ZNF367: variants seen among roughly 807,000 people sequenced by gnomAD.
The protein encoded by ZNF367 is C2H2 zinc finger protein ZFF29.
ZNF367 carries 11 observed loss-of-function variants against 31.8 expected under a neutral mutation model. The ratio of observed to expected loss-of-function variants is 0.35; its 90% CI spans 0.22 to 0.57. The LOEUF is 0.57. Ranked by LOEUF, ZNF367 falls within the 20% of genes least tolerant of loss-of-function variation. The probability of loss-of-function intolerance (pLI) is 0.85; values close to 1 mark genes in which losing one functional copy is unlikely to be tolerated. For synonymous variants in ZNF367, 199 were observed against 202.4 expected, an observed-to-expected ratio of 0.98 and a Z score of 0.14; for missense variants, 353 against 484.1, an observed-to-expected ratio of 0.73 and a Z score of 2.54.
In ZNF367 at chr9:96,418,350, A is replaced by C. The variant is rs1831865888; in HGVS notation, c.-318T>G. On this transcript the variant is annotated 5_prime_UTR_variant, in exon 1 of 5. Coordinates refer to ENST00000375256, the MANE Select transcript of ZNF367 (RefSeq NM_153695.4). ...GACGCGCGGCGCTGAGCCCCCAAAA[A>C]TAACAACCTGCCGCCGCGGTGCCTG... 5.8e-6 allele frequency: 2 copies of C among 342,982 alleles called. No homozygotes were observed. Among genetic ancestry groups the C allele is most frequent in the African/African-American group, 2.1e-5 (1 of 47,266 alleles). The allele number at this position is 342,982 out of a possible 1,614,324, so 21.2% of individuals were successfully genotyped here.
chr9:96,400,874 C>T (rs892245635), intron 1 of ZNF367, among the ~76,000 whole-genome samples: 9 of 152,136 alleles, frequency 5.9e-5, no homozygotes, highest in Non-Finnish European at 1.3e-4. Flanking sequence ...GGGATCCACA[C>T]CAAGACATTT....
At chr9:96,403,129 C>T (rs1300699813) in intron 1 of ZNF367, among the ~76,000 whole-genome samples, 1 of 152,002 alleles carries the variant, frequency 6.6e-6, no homozygotes, top group African/African-American at 2.4e-5. Flanking sequence ...GCCACCATAC[C>T]CAGATAATTT....
intron 1 of ZNF367, among the ~76,000 whole-genome samples, chr9:96,413,158 T>A (rs992565793): frequency 6.6e-6 from 1 of 152,228 alleles, no homozygotes; most frequent in Non-Finnish European, 1.5e-5. Context: ...CCACTTACCA[T>A]ACAATCTTAA....
In ZNF367 at chr9:96,418,309, G is replaced by T; in HGVS notation, c.-277C>A. 1 of 402,600 alleles carries T rather than the reference G, an allele frequency of 2.5e-6. No homozygotes were observed. The highest frequency in any genetic ancestry group is 4.3e-6 in the Non-Finnish European group (1 of 233,980). 24.9% of individuals were successfully genotyped at this position (402,600 alleles called of 1,614,324 possible). On this transcript the variant is annotated 5_prime_UTR_variant, in exon 1 of 5. Transcript: ENST00000375256. ...AAGCAGCGGGCGGCCCGGCCCTTGC[G>T]GTGACAGGAAAGCAGGACGCGCGGC...
rs186730452 is a variant in ZNF367 at position 96,386,556 on chromosome 9, A to G, written c.*1681T>C. On this transcript the variant is annotated 3_prime_UTR_variant, in exon 5 of 5. Transcript: ENST00000375256. ...ATTAAAATTCTATATACCACATTAC[A>G]AAAAAATTCTTAGACCATTACAAAT... The G allele has an allele frequency of 6.6e-6, 1 of 151,772 alleles. No homozygotes were observed. Among genetic ancestry groups the G allele is most frequent in the Non-Finnish European group, 1.5e-5 (1 of 67,708 alleles). 9.4% of individuals were successfully genotyped at this position (151,772 alleles called of 1,614,324 possible). A position where few individuals can be genotyped will look rare whatever the true frequency, so the allele number is the denominator to read the frequency against.
chr9:96,393,476 G>A (rs1368455915), intron 3 of ZNF367, among the ~76,000 whole-genome samples: 2 of 151,614 alleles, frequency 1.3e-5, no homozygotes, highest in African/African-American at 4.8e-5. Flanking sequence ...AGCCAAGATC[G>A]TGCCACTGTA....
intron 2 of ZNF367, among the ~76,000 whole-genome samples, chr9:96,395,233 A>G (rs1226354676): frequency 4.6e-5 from 7 of 151,948 alleles, no homozygotes; most frequent in Non-Finnish European, 1.0e-4. Flanking sequence ...ATTCTTCACT[A>G]TGTCTTCCAC....
At chr9:96,397,369 T>C (rs541617943) in intron 2 of ZNF367, among the ~76,000 whole-genome samples, 1 of 152,286 alleles carries the variant, frequency 6.6e-6, no homozygotes, top group South Asian at 2.1e-4. Flanking sequence ...AATTTCCATA[T>C]GCAAATAAAG....
In ZNF367 at chr9:96,415,479, A is replaced by ATTTTTTTTTTT. The variant is rs56349404; in HGVS notation, c.420+2123_420+2133dup. On this transcript the variant is annotated intron_variant, in intron 1 of 4. Coordinates refer to ENST00000375256, the MANE Select transcript of ZNF367 (RefSeq NM_153695.4). ...CAACGCTTCTATCGTTAGTTTCTTC[A>ATTTTTTTTTTT]TTTTTTTTTTTTTTTTTTTTTTTTT... Among the ~76,000 whole-genome samples, 3 of 37,756 alleles carry ATTTTTTTTTTT rather than the reference A, an allele frequency of 7.9e-5. 1 individual carries two copies. Among genetic ancestry groups the ATTTTTTTTTTT allele is most frequent in the African/African-American group, 2.2e-4 (2 of 9,130 alleles). 24.8% of individuals were successfully genotyped at this position (37,756 alleles called of 152,430 possible).
chr9:96,406,804 T>C (rs1303441201), intron 1 of ZNF367, among the ~76,000 whole-genome samples: 2 of 150,714 alleles, frequency 1.3e-5, no homozygotes, highest in Non-Finnish European at 3.0e-5. Flanking sequence ...ATTGAGACCA[T>C]CCTGGCTAAC....
At chr9:96,416,062 C>A (rs1831823724) in intron 1 of ZNF367, among the ~76,000 whole-genome samples, 1 of 150,780 alleles carries the variant, frequency 6.6e-6, no homozygotes, top group Non-Finnish European at 1.5e-5. Context: ...CCTCACCAGG[C>A]TCTGTTATGG....
chr9:96,418,211 G>C lies in ZNF367; in HGVS notation c.-179C>G, dbSNP rs531663377. The stretch of plus-strand genomic sequence containing the variant: ...GTTGAGCAGACGGCACCGGCGGGCA[G>C]GGCTGGACCCCAGCCCCAGGTCAAG... On this transcript the variant is annotated 5_prime_UTR_variant, in exon 1 of 5. Coordinates refer to ENST00000375256, the MANE Select transcript of ZNF367 (RefSeq NM_153695.4). 6.9e-5 allele frequency: 67 copies of C among 965,460 alleles called. No individual in the cohort carries two copies. In the South Asian group the frequency reaches 2.8e-3, roughly 40 times the overall value. 59.8% of individuals were successfully genotyped at this position (965,460 alleles called of 1,614,324 possible).
In ZNF367 at chr9:96,417,449, T is replaced by G. The variant is rs1334622880; in HGVS notation, c.420+164A>C. Among the ~76,000 whole-genome samples, 1 of 145,596 alleles carries G rather than the reference T, an allele frequency of 6.9e-6. No individual in the cohort carries two copies. Among genetic ancestry groups the G allele is most frequent in the South Asian group, 2.2e-4 (1 of 4,510 alleles). On this transcript the variant is annotated intron_variant, in intron 1 of 4. Coordinates refer to ENST00000375256, the MANE Select transcript of ZNF367 (RefSeq NM_153695.4). This position sits in a 1 kb window ranked among gnomAD's most constrained non-coding sequence, Gnocchi z 5.0. ...TGTCACGTGACAGGCCCCCCCCGAC[T>G]GGGGCCGGTTTTTGGCGCGCGGCAG...
rs755522854 is a variant in ZNF367, at chr9:96,386,622, AT to A, written c.*1614del. 6.6e-6 allele frequency: 1 copy of A among 152,144 alleles called. No homozygotes were observed. Among genetic ancestry groups the A allele is most frequent in the Admixed American group, 6.5e-5 (1 of 15,272 alleles). The allele number at this position is 152,144 out of a possible 1,614,324, so 9.4% of individuals were successfully genotyped here. A position where few individuals can be genotyped will look rare whatever the true frequency, so the allele number is the denominator to read the frequency against. On this transcript the variant is annotated 3_prime_UTR_variant, in exon 5 of 5. Coordinates refer to ENST00000375256, the MANE Select transcript of ZNF367 (RefSeq NM_153695.4). ...ACAAAAAAATCCCTAAAGATTTGTA[AT>A]TTACTGTACAGAGGAATTACATTTT...
At chr9:96,405,915 CTAATT>C (rs1039321024) in intron 1 of ZNF367, among the ~76,000 whole-genome samples, 2 of 152,112 alleles carry the variant, frequency 1.3e-5, no homozygotes, top group African/African-American at 2.4e-5. Flanking sequence ...TTTAAAATGA[CTAATT>C]TAATGTTATG....
intron 2 of ZNF367, among the ~76,000 whole-genome samples, chr9:96,396,156 G>A (rs1249108801): frequency 3.3e-5 from 5 of 152,136 alleles, no homozygotes; most frequent in Non-Finnish European, 7.3e-5. Flanking sequence ...GCTGATGCCT[G>A]GGGTATCAGG....
At chr9:96,396,874 C>G (rs1243988664) in intron 2 of ZNF367, among the ~76,000 whole-genome samples, 1 of 152,028 alleles carries the variant, frequency 6.6e-6, no homozygotes, top group Non-Finnish European at 1.5e-5. Context: ...TCCATGTTGG[C>G]CAGGCTGGTC....
At chr9:96,396,986 T>C (rs1587743233) in intron 2 of ZNF367, among the ~76,000 whole-genome samples, 1 of 152,192 alleles carries the variant, frequency 6.6e-6, no homozygotes, top group East Asian at 1.9e-4. Context: ...ATTTTAATAA[T>C]GTATTTTATT....
chr9:96,388,677 T>C (rs934275442), intron 4 of ZNF367, among the ~76,000 whole-genome samples: 4 of 152,216 alleles, frequency 2.6e-5, no homozygotes, highest in Admixed American at 1.3e-4. Flanking sequence ...AACCTGGCAG[T>C]TCTAGATCTT....
Sources: gnomAD v4.1 joint callset for allele counts (sites outside exome capture counted in the v4.1 genomes callset) on GRCh38, gnomAD v4.1.1 for gene constraint, Gnocchi (gnomAD v3.1) non-coding constraint, MANE v1.5 for transcripts, NCBI Gene and HGNC (gene_info 2026-07-23, HGNC 2026-07-21) for gene names.